The following HSCB variants were observed in gnomAD, a reference collection of about 807,000 sequenced individuals.
HSCB encodes the protein iron-sulfur cluster co-chaperone protein HscB.
A neutral mutation model predicts 31.3 loss-of-function variants in HSCB; 23 were observed. The ratio of observed to expected loss-of-function variants is 0.74; its 90% CI spans 0.53 to 1.04. HSCB has a LOEUF of 1.04. Ranked by LOEUF, HSCB falls within the 50% of genes least tolerant of loss-of-function variation. The pLI is 0.00. For synonymous variants in HSCB, 110 were observed against 104.5 expected (o/e 1.05, Z -0.32); for missense variants, 297 against 288.1 (o/e 1.03, Z -0.22).
chr22:28,743,900 T>C lies in HSCB; in HGVS notation c.255T>C (p.Val85=), dbSNP rs2054638580. 1 of 1,614,024 alleles carries C rather than the reference T, an allele frequency of 6.2e-7. No individual in the cohort carries two copies. Among genetic ancestry groups the C allele is most frequent in the African/African-American group, 1.3e-5 (1 of 74,952 alleles). ...SLMDCNRSFR[V]DTAKLQHRYQ... is the part of the protein sequence containing the mutation. ...CTTCCAGCAACCGTTCCTTCAGAGT[T>C]GATACAGCGAAGCTCCAGCACAGGT... is the stretch of plus-strand genomic sequence containing the variant. Residue 85 remains valine, a synonymous_variant, in exon 2 of 6, where the codon GTT becomes GTC. Coordinates refer to ENST00000216027, the MANE Select transcript of HSCB (RefSeq NM_172002.5).
intron 4 of HSCB, among the ~76,000 whole-genome samples, chr22:28,746,936 C>T (rs1303056611): frequency 2.0e-5 from 3 of 150,672 alleles, no homozygotes; most frequent in Non-Finnish European, 4.4e-5. Context: ...TGGAGGTGCG[C>T]ACTTGTGGTC....
chr22:28,744,007 C>T, intron 2 of HSCB, 29 bp downstream of exon 2: 3 of 1,489,560 alleles, frequency 2.0e-6, no homozygotes, highest in Non-Finnish European at 2.8e-6. Flanking sequence ...CCAATAATCC[C>T]CAAATATGTG....
intron 5 of HSCB, among the ~76,000 whole-genome samples, chr22:28,753,527 T>C (rs749512527): frequency 7.4e-6 from 1 of 134,734 alleles, no homozygotes; most frequent in Non-Finnish European, 1.6e-5. Context: ...AAACTCCAAC[T>C]CAAAAAAAAA....
chr22:28,753,293 A>G (rs991118110), intron 5 of HSCB, among the ~76,000 whole-genome samples: 4 of 151,980 alleles, frequency 2.6e-5, no homozygotes, highest in African/African-American at 9.7e-5. Context: ...TGGGAGGCTG[A>G]GGCGGGCGGA....
At chr22:28,750,480 C>G (rs2030156323) in intron 4 of HSCB, among the ~76,000 whole-genome samples, 1 of 152,170 alleles carries the variant, frequency 6.6e-6, no homozygotes, top group South Asian at 2.1e-4. Flanking sequence ...GGACACCACA[C>G]TGCTACCTGA....
chr22:28,745,940 A>T lies in HSCB; in HGVS notation c.500A>T (p.Glu167Val). ...MDRQFLIEIM[E>V]INEKLAEAES... ...AGGCAATTCCTCATAGAAATAATGGAAATCAATGAAAAACTCGCAGAAGCT... is the reference window on the plus strand; with the variant it reads ...AGGCAATTCCTCATAGAAATAATGGTAATCAATGAAAAACTCGCAGAAGCT... The change falls in exon 4 of 6, where the codon GAA becomes GTA. Residue 167 changes from glutamate (E) to valine (V), a missense_variant. By Grantham distance (121) the Glu-to-Val change is moderately radical. Coordinates refer to ENST00000216027, the MANE Select transcript of HSCB (RefSeq NM_172002.5). 2.5e-6 allele frequency: 4 copies of T among 1,613,872 alleles called. No individual in the cohort carries two copies. The highest frequency in any genetic ancestry group is 2.5e-6 in the Non-Finnish European group (3 of 1,179,792).
chr22:28,744,753 A>G (rs776842216), intron 3 of HSCB, 49 bp downstream of exon 3: 1 of 1,394,808 alleles, frequency 7.2e-7, no homozygotes, highest in South Asian at 1.2e-5. Context: ...GATGCCCATT[A>G]TGGCGTAGGA....
intron 5 of HSCB, among the ~76,000 whole-genome samples, chr22:28,752,600 G>A (rs545158081): frequency 6.6e-6 from 1 of 151,274 alleles, no homozygotes; most frequent in African/African-American, 2.4e-5. Flanking sequence ...CAGGCCTGGT[G>A]GTGACCGTCT....
At chr22:28,742,565 G>A (rs2054592234) in intron 1 of HSCB, 1 of 656,038 alleles carries the variant, frequency 1.5e-6, no homozygotes, top group Admixed American at 3.3e-5. Flanking sequence ...GGACTGGAGG[G>A]GCGGGCGCTG....
At chr22:28,745,268 G>A (rs975825396) in intron 3 of HSCB, 3 of 150,894 alleles carry the variant, frequency 2.0e-5, no homozygotes, top group East Asian at 3.9e-4. Context: ...TATCTTAAGA[G>A]GCCAGGCATG....
intron 5 of HSCB, among the ~76,000 whole-genome samples, chr22:28,754,616 G>A (rs780581948): frequency 4.6e-5 from 7 of 151,912 alleles, no homozygotes; most frequent in Non-Finnish European, 1.0e-4. Flanking sequence ...GCTGCAGTGA[G>A]CCAAGATCAT....
rs758451182 is a variant in HSCB at position 28,750,945 on chromosome 22, CTTT to C, written c.569-274_569-272del. 5.8e-4 allele frequency among the ~76,000 whole-genome samples: 33 copies of C among 56,454 alleles called. 2 individuals are homozygous for C. The East Asian group carries it at 6.1e-3, about 10-fold the overall frequency. The allele number at this position is 56,454 out of a possible 152,430, so 37.0% of individuals were successfully genotyped here. A position where few individuals can be genotyped will look rare whatever the true frequency, so the allele number is the denominator to read the frequency against. On this transcript the variant is annotated intron_variant, in intron 4 of 5. Coordinates refer to ENST00000216027, the MANE Select transcript of HSCB (RefSeq NM_172002.5). ...GGAGATAATCAAAGTATATCTTTGTCTTTTTTTTTTTTTTTTTTTTTTTTACTG... is the reference window on the plus strand; with the variant it reads ...GGAGATAATCAAAGTATATCTTTGTCTTTTTTTTTTTTTTTTTTTTTACTG...
At chr22:28,743,385 T>C (rs572755136) in intron 1 of HSCB, among the ~76,000 whole-genome samples, 2 of 152,308 alleles carry the variant, frequency 1.3e-5, no homozygotes, top group East Asian at 1.9e-4. Flanking sequence ...CAAGATTATT[T>C]GCCAAAACTG....
chr22:28,751,518 C>T (rs898864597), intron 5 of HSCB, among the ~76,000 whole-genome samples: 17 of 152,120 alleles, frequency 1.1e-4, no homozygotes, highest in South Asian at 2.1e-4. Flanking sequence ...GAGGCTAAGG[C>T]GGGCGGATCA....
At chr22:28,750,486 C>T (rs1343796706) in intron 4 of HSCB, among the ~76,000 whole-genome samples, 3 of 152,120 alleles carry the variant, frequency 2.0e-5, no homozygotes, top group Non-Finnish European at 1.5e-5. Flanking sequence ...CACACTGCTA[C>T]CTGAGAGATG....
chr22:28,754,727 A>G (rs536295569), intron 5 of HSCB, among the ~76,000 whole-genome samples: 2 of 152,198 alleles, frequency 1.3e-5, no homozygotes, highest in Admixed American at 6.5e-5. Context: ...ATGTGAATGT[A>G]CTTAATGTCA....
At chr22:28,753,998 T>C (rs1327305104) in intron 5 of HSCB, among the ~76,000 whole-genome samples, 1 of 151,634 alleles carries the variant, frequency 6.6e-6, no homozygotes, top group African/African-American at 2.4e-5. Flanking sequence ...CTGGGTGTGG[T>C]GGCAGATGCC....
rs376626816 is a variant in HSCB at position 28,744,619 on chromosome 22, A to G, written c.338A>G (p.Glu113Gly). ...TATCTTCATCTCCACTAACAGACTG[A>G]AAAGGACTTCTCAGAGAAGCATTCG... ...PDFFSQRSQTEKDFSEKHSTL... is the reference protein window; with the variant it reads ...PDFFSQRSQTGKDFSEKHSTL... The change falls in exon 3 of 6, where the codon GAA becomes GGA. Residue 113 changes from glutamate to glycine, a missense_variant. Transcript: ENST00000216027. The G allele has an allele frequency of 6.2e-6, 10 of 1,610,604 alleles. No individual in the cohort carries two copies. In the African/African-American group the frequency reaches 1.2e-4, roughly 19 times the overall value.
chr22:28,756,452 A>C (rs917852762), intron 5 of HSCB, among the ~76,000 whole-genome samples: 4 of 147,112 alleles, frequency 2.7e-5, no homozygotes, highest in Non-Finnish European at 1.5e-5. Context: ...AATTTTTAAA[A>C]CACAACCACC....
Sources: gnomAD v4.1 joint callset for allele counts (sites outside exome capture counted in the v4.1 genomes callset) on GRCh38, gnomAD v4.1.1 for gene constraint, MANE v1.5 for transcripts, NCBI Gene and HGNC (gene_info 2026-07-23, HGNC 2026-07-21) for gene names.